The following DPYSL3 variants were observed in gnomAD, a reference collection of about 807,000 sequenced individuals.
DPYSL3 encodes dihydropyrimidinase like 3.
Under a neutral mutation model 66.1 loss-of-function variants are expected in DPYSL3, and 16 were observed. That is an observed-to-expected ratio of 0.24 (90% confidence interval 0.16 to 0.37). The LOEUF (loss-of-function observed/expected upper bound fraction) is 0.37, where lower values mean the gene tolerates loss of function less well. Among genes scored for constraint, DPYSL3 ranks in the 10% least tolerant of loss-of-function variants. The pLI is 1.00. For synonymous variants in DPYSL3, 338 were observed against 345.1 expected (o/e 0.98, Z 0.23); for missense variants, 738 against 916.2 (o/e 0.81, Z 2.51).
intron 3 of DPYSL3, 52 bp downstream of exon 3, chr5:147,418,395 C>A: frequency 2.0e-6 from 3 of 1,506,068 alleles, no homozygotes; most frequent in East Asian, 4.6e-5. Flanking sequence ...ATAACACATT[C>A]ATTAAACACA....
At chr5:147,402,410 C>G (rs1242689724) in intron 8 of DPYSL3, among the ~76,000 whole-genome samples, 1 of 139,022 alleles carries the variant, frequency 7.2e-6, no homozygotes, top group African/African-American at 2.9e-5. Context: ...TGCAGTGGCG[C>G]GATCTCGGCT....
intron 8 of DPYSL3, chr5:147,401,907 A>C: frequency 2.1e-6 from 1 of 465,486 alleles, no homozygotes. Context: ...AAAAGAAGCC[A>C]TTGGTTGTTA....
intron 6 of DPYSL3, among the ~76,000 whole-genome samples, chr5:147,410,119 G>A (rs1751818458): frequency 6.6e-6 from 1 of 152,084 alleles, no homozygotes. Context: ...AGTCTAGTGA[G>A]TTTCTACTCT....
At chr5:147,401,454 G>C in intron 9 of DPYSL3, 86 bp downstream of exon 9, 1 of 1,432,388 alleles carries the variant, frequency 7.0e-7, no homozygotes, top group Non-Finnish European at 9.3e-7. Context: ...CAAGTTTATA[G>C]ATGGGACTGC....
intron 5 of DPYSL3, among the ~76,000 whole-genome samples, chr5:147,413,074 A>G (rs1215247401): frequency 6.6e-6 from 1 of 152,160 alleles, no homozygotes; most frequent in African/African-American, 2.4e-5. Flanking sequence ...AAACACAAAA[A>G]CTGAAACCCT....
chr5:147,424,915 A>G lies in DPYSL3; in HGVS notation c.430T>C (p.Ser144Pro). ...KGGRIVNDDQSFYADIYMEDG... is the reference protein window; with the variant it reads ...KGGRIVNDDQPFYADIYMEDG... ...TCCATGTAAATATCAGCATAAAAGG[A>G]CTGATCATCATTGACGATTCTGCCT... Residue 144 changes from serine to proline, a missense_variant, in exon 2 of 14, where the codon TCC becomes CCC. Ser to Pro is a moderately conservative substitution (Grantham distance 74). Coordinates refer to ENST00000343218, the MANE Select transcript of DPYSL3 (RefSeq NM_001197294.2). 1 of 1,613,180 alleles carries G rather than the reference A, an allele frequency of 6.2e-7. No individual in the cohort carries two copies. Among genetic ancestry groups the G allele is most frequent in the African/African-American group, 1.3e-5 (1 of 74,894 alleles).
At chr5:147,411,601 G>T (rs954543523) in intron 6 of DPYSL3, among the ~76,000 whole-genome samples, 1 of 152,136 alleles carries the variant, frequency 6.6e-6, no homozygotes, top group Non-Finnish European at 1.5e-5. Context: ...AATTAAATGA[G>T]AATACACCAG....
chr5:147,430,865 T>G (rs1006171601), intron 1 of DPYSL3, among the ~76,000 whole-genome samples: 2 of 152,192 alleles, frequency 1.3e-5, no homozygotes, highest in Admixed American at 6.5e-5. Context: ...AGAACAGCGC[T>G]TAAGACACAT....
chr5:147,405,488 G>T (rs563322015), intron 8 of DPYSL3, 122 bp downstream of exon 8: 1 of 1,339,680 alleles, frequency 7.5e-7, no homozygotes, highest in South Asian at 1.8e-5. Flanking sequence ...TGTGGAGAGC[G>T]GCTTCCTAGG....
At chr5:147,456,646 A>T (rs1267570243) in intron 1 of DPYSL3, among the ~76,000 whole-genome samples, 2 of 130,192 alleles carry the variant, frequency 1.5e-5, no homozygotes, top group African/African-American at 3.0e-5. Flanking sequence ...GCTGGAGTGC[A>T]GTGGGGTGAT....
intron 3 of DPYSL3, among the ~76,000 whole-genome samples, chr5:147,418,004 A>C (rs1429958054): frequency 6.6e-6 from 1 of 152,148 alleles, no homozygotes; most frequent in Non-Finnish European, 1.5e-5. Flanking sequence ...ATTTCCGAGA[A>C]ATGTAATTCT....
intron 6 of DPYSL3, 40 bp downstream of exon 6, chr5:147,412,568 G>A (rs764937949): frequency 1.3e-5 from 20 of 1,577,660 alleles, no homozygotes; most frequent in Non-Finnish European, 1.6e-5. Flanking sequence ...AAAATGGAAT[G>A]CAGACCCAAA....
rs767590777 is a variant in DPYSL3 at position 147,509,545 on chromosome 5, G to A, written c.314C>T (p.Pro105Leu). The change falls in exon 1 of 14, where the codon CCC becomes CTC. Residue 105 changes from proline (P) to leucine (L), a missense_variant. By Grantham distance (98) the Pro-to-Leu change is moderately conservative (BLOSUM62 -3). Coordinates refer to ENST00000343218, the MANE Select transcript of DPYSL3 (RefSeq NM_001197294.2). The surrounding 1 kb of genome is among the most constrained non-coding windows in gnomAD (Gnocchi z 5.3). ...SREPAPASPA[P>L]AGVEIRSATG... ...GGCGCTCCGGATCTCTACCCCGGCGGGGGCGGGGGAGGCGGGCGCGGGCTC... is the reference window on the plus strand; with the variant it reads ...GGCGCTCCGGATCTCTACCCCGGCGAGGGCGGGGGAGGCGGGCGCGGGCTC... 2.0e-6 allele frequency: 3 copies of A among 1,534,900 alleles called. No homozygotes were observed. The South Asian group carries it at 3.6e-5, about 18-fold the overall frequency.
At chr5:147,401,403 A>G (rs1758173374) in intron 9 of DPYSL3, 137 bp downstream of exon 9, 1 of 1,019,976 alleles carries the variant, frequency 9.8e-7, no homozygotes, top group East Asian at 2.7e-5. Context: ...TCAAGACTGT[A>G]AAAGAATTCC....
chr5:147,466,766 G>A (rs1462672464), intron 1 of DPYSL3, among the ~76,000 whole-genome samples: 5 of 152,132 alleles, frequency 3.3e-5, no homozygotes, highest in African/African-American at 2.4e-5. Context: ...CTTTGGCTGT[G>A]TTGTTTGTGT....
chr5:147,425,959 C>T (rs72833339), intron 1 of DPYSL3, among the ~76,000 whole-genome samples: 4 of 151,998 alleles, frequency 2.6e-5, no homozygotes. Flanking sequence ...AGAGGGTGGA[C>T]TTTGTGAAGA....
chr5:147,397,618 G>A (rs1355188884), intron 12 of DPYSL3, 48 bp downstream of exon 12: 1 of 1,577,984 alleles, frequency 6.3e-7, no homozygotes, highest in Non-Finnish European at 8.7e-7. Flanking sequence ...CTGAGCGTGA[G>A]TGGAACACAA....
intron 1 of DPYSL3, among the ~76,000 whole-genome samples, chr5:147,488,244 G>C: frequency 6.6e-6 from 1 of 152,160 alleles, no homozygotes; most frequent in African/African-American, 2.4e-5. Context: ...AAGCTAGGAG[G>C]CTCTAGAAAG....
chr5:147,486,265 T>C (rs1753327550), intron 1 of DPYSL3, among the ~76,000 whole-genome samples: 1 of 152,254 alleles, frequency 6.6e-6, no homozygotes, highest in Non-Finnish European at 1.5e-5. Flanking sequence ...AAAGGTACTT[T>C]ATACTTCTGA....
Sources: gnomAD v4.1 joint callset for allele counts (sites outside exome capture counted in the v4.1 genomes callset) on GRCh38, gnomAD v4.1.1 for gene constraint, Gnocchi (gnomAD v3.1) non-coding constraint, MANE v1.5 for transcripts, NCBI Gene and HGNC (gene_info 2026-07-23, HGNC 2026-07-21) for gene names.